The following ANO7 variants were observed in gnomAD, a reference collection of about 807,000 sequenced individuals.
ANO7 encodes the protein anoctamin 7.
ANO7 carries 114 observed loss-of-function variants against 115.8 expected under a neutral mutation model. The ratio of observed to expected loss-of-function variants is 0.98; its 90% CI spans 0.85 to 1.15. The LOEUF (loss-of-function observed/expected upper bound fraction) is 1.15, where lower values mean the gene tolerates loss of function less well. Ranked by LOEUF, ANO7 falls within the 50% of genes most tolerant of loss-of-function variation. The pLI, the probability that ANO7 is intolerant of heterozygous loss-of-function variation, is 0.00. For missense variants in ANO7, 1,302 were observed against 1,201.2 expected (o/e 1.08, Z -1.24); for synonymous variants, 550 against 498.2 (o/e 1.10, Z -1.38).
the ANO7 span, chr2:241,230,986 G>A: frequency 6.4e-7 from 1 of 1,569,354 alleles, no homozygotes; most frequent in Non-Finnish European, 8.8e-7. This position sits in a 1 kb window ranked among gnomAD's most constrained non-coding sequence, Gnocchi z 5.0. Context: ...ATGCCTTACT[G>A]GGATTCCCGT....
At chr2:241,226,305 G>GC (rs1203336214), downstream of ANO7, among the ~76,000 whole-genome samples, 2 of 152,132 alleles carry the variant, frequency 1.3e-5, no homozygotes, top group African/African-American at 4.8e-5. Flanking sequence ...ATCCATCTCA[G>GC]CCCCTCCTGG....
chr2:241,216,620 G>C (rs1257547239), intron 19 of ANO7, among the ~76,000 whole-genome samples: 1 of 152,218 alleles, frequency 6.6e-6, no homozygotes, highest in Non-Finnish European at 1.5e-5. Flanking sequence ...CAGCGGCCTG[G>C]AGAGCCAATG....
At chr2:241,194,520 G>C (rs182008342) in intron 3 of ANO7, among the ~76,000 whole-genome samples, 1 of 151,526 alleles carries the variant, frequency 6.6e-6, no homozygotes, top group Admixed American at 6.6e-5. Context: ...GGGTTTCACC[G>C]TGTTAGCCAG....
rs377319686 is a variant in ANO7, at chr2:241,209,286, C to G, written c.1079C>G (p.Ala360Gly). Residue 360 changes from alanine to glycine, a missense_variant and splice_region_variant, in exon 12 of 25, where the codon GCC (alanine) becomes GGC (glycine). Physicochemically the swap from Ala to Gly is moderately conservative, Grantham distance 60. Transcript: ENST00000674324. ...GGACGCCCCCGCTCCCTGCCACAGGCCGGCCGGCTGTTCGACCACGGCGGC... is the reference window on the plus strand; with the variant it reads ...GGACGCCCCCGCTCCCTGCCACAGGGCGGCCGGCTGTTCGACCACGGCGGC... ...LLSSACALAQ[A>G]GRLFDHGGTV... is the part of the protein sequence containing the mutation. 3.9e-6 allele frequency: 6 copies of G among 1,551,664 alleles called. No homozygotes were observed. Among genetic ancestry groups the G allele is most frequent in the Middle Eastern group, 1.7e-4 (1 of 6,020 alleles).
In ANO7 at chr2:241,223,270, G is replaced by A; in HGVS notation, c.2406G>A (p.Val802=). The change falls in exon 22 of 25, where the codon GTG becomes GTA. Residue 802 remains valine (V), a synonymous_variant. Coordinates refer to ENST00000674324, the MANE Select transcript of ANO7 (RefSeq NM_001370694.2). ...CCATCCGCCTGGCCTTCGTCATTGT[G>A]TTTGAGGTAGCCGAGGCACCTGCTG... ...LLAIRLAFVI[V]FEHVVFSVGR... The A allele has an allele frequency of 1.2e-6, 2 of 1,614,260 alleles. No individual in the cohort carries two copies. The highest frequency in any genetic ancestry group is 2.2e-5 in the South Asian group (2 of 91,088).
intron 17 of ANO7, among the ~76,000 whole-genome samples, chr2:241,213,297 G>C (rs576394957): frequency 6.6e-6 from 1 of 152,168 alleles, no homozygotes; most frequent in Non-Finnish European, 1.5e-5. Context: ...TGGCTGTCAG[G>C]GATCTCCCTG....
At chr2:241,220,826 C>T (rs1424139063) in intron 21 of ANO7, among the ~76,000 whole-genome samples, 1 of 147,996 alleles carries the variant, frequency 6.8e-6, no homozygotes, top group African/African-American at 2.5e-5. Flanking sequence ...CAAACAAAAC[C>T]TGGCTGTGGC....
rs754242737 is a variant in ANO7 at position 241,199,312 on chromosome 2, A to G, written c.310-4A>G. On this transcript the variant is annotated splice_polypyrimidine_tract_variant and splice_region_variant and intron_variant, in intron 4 of 24. Transcript: ENST00000674324. Reference sequence around the variant, plus strand: ...GGCTCTCACGGAGCCCTGGGTGCCTACAGCAGGACGTCCAGGACGGGAACA... The same window carrying G: ...GGCTCTCACGGAGCCCTGGGTGCCTGCAGCAGGACGTCCAGGACGGGAACA... 1 of 1,613,488 alleles carries G rather than the reference A, an allele frequency of 6.2e-7. No individual in the cohort carries two copies. Among genetic ancestry groups the G allele is most frequent in the South Asian group, 1.1e-5 (1 of 91,086 alleles).
At chr2:241,238,897 G>T in the ANO7 span, 1 of 828,500 alleles carries the variant, frequency 1.2e-6, no homozygotes, top group Non-Finnish European at 1.8e-6. The surrounding 1 kb of genome is among the most constrained non-coding windows in gnomAD (Gnocchi z 4.9). Flanking sequence ...ACAGCCACTT[G>T]GCACAGATGC....
chr2:241,230,111 G>T, downstream of ANO7: 1 of 1,588,736 alleles, frequency 6.3e-7, no homozygotes. The surrounding 1 kb of genome is among the most constrained non-coding windows in gnomAD (Gnocchi z 5.0). Context: ...GCCGGTGGAC[G>T]TGCCAGGGCG....
At chr2:241,232,378 C>T in the ANO7 span, among the ~76,000 whole-genome samples, 1 of 151,838 alleles carries the variant, frequency 6.6e-6, no homozygotes, top group African/African-American at 2.4e-5. Flanking sequence ...TGCGTTCAAG[C>T]GATTCTCACG....
At chr2:241,236,377 A>AT in the ANO7 span, 2 of 553,026 alleles carry the variant, frequency 3.6e-6, no homozygotes, top group Non-Finnish European at 6.5e-6. Context: ...GCCGGATCCC[A>AT]TGCAGCTGTC....
At chr2:241,233,229 G>T in the ANO7 span, among the ~76,000 whole-genome samples, 2 of 152,210 alleles carry the variant, frequency 1.3e-5, no homozygotes, top group African/African-American at 2.4e-5. This position sits in a 1 kb window ranked among gnomAD's most constrained non-coding sequence, Gnocchi z 4.3. Context: ...TGTGCAAGAG[G>T]GGGTGTTGGG....
At chr2:241,236,993 G>A in the ANO7 span, among the ~76,000 whole-genome samples, 13 of 131,804 alleles carry the variant, frequency 9.9e-5, 1 homozygote, top group Admixed American at 6.8e-4. Flanking sequence ...GGGGGGGGGG[G>A]GCGGCAATGA....
the ANO7 span, chr2:241,236,826 T>C: frequency 1.3e-6 from 2 of 1,570,494 alleles, no homozygotes; most frequent in South Asian, 2.3e-5. Flanking sequence ...CCCCACACCT[T>C]GTTCAGAATG....
Position 241,212,570 on chromosome 2 carries a change from A to C in ANO7, c.1674-2A>C, listed in dbSNP as rs767963139. 1 of 1,612,950 alleles carries C rather than the reference A, an allele frequency of 6.2e-7. No homozygotes were observed. The highest frequency in any genetic ancestry group is 2.2e-5 in the East Asian group (1 of 44,870). ...AGGCTCATGATCTTGACTTTCTCCT[A>C]GGTTTGTGGGATACCCAGGCAACTA... On this transcript the variant is annotated splice_acceptor_variant, in intron 16 of 24. Transcript: ENST00000674324. LOFTEE classifies it high-confidence loss of function.
Position 241,210,381 on chromosome 2 carries a change from T to C in ANO7, c.1446T>C (p.Leu482=). 6.2e-7 allele frequency: 1 copy of C among 1,614,018 alleles called. No homozygotes were observed. Among genetic ancestry groups the C allele is most frequent in the Non-Finnish European group, 8.5e-7 (1 of 1,179,986 alleles). ...TGGTGTCCAGGTCGGGCAACACCCT[T>C]CTCGCAGCCTGGGTGAGCCTCTGCT... The part of the protein sequence containing the change: ...AIVVSRSGNT[L]LAAWASRIAS... The change falls in exon 14 of 25, where the codon CTT becomes CTC. Residue 482 remains leucine, a synonymous_variant. Transcript: ENST00000674324.
chr2:241,237,830 C>T, the ANO7 span, among the ~76,000 whole-genome samples: 1 of 152,334 alleles, frequency 6.6e-6, no homozygotes, highest in Non-Finnish European at 1.5e-5. Flanking sequence ...TAAATAACCA[C>T]TGAAGTGTAA....
Position 241,218,295 on chromosome 2 carries a change from C to G in ANO7, c.2235C>G (p.Thr745=). The change falls in exon 21 of 25, where the codon ACC becomes ACG. Residue 745 remains threonine, a synonymous_variant. Transcript: ENST00000674324. The part of the protein sequence containing the change: ...DFLPRAYYRW[T]RAHDLRGFLN... Reference sequence around the variant, plus strand: ...TGCCGCGCGCCTACTACCGGTGGACCCGCGCCCACGACCTGCGCGGCTTCC... The same window carrying G: ...TGCCGCGCGCCTACTACCGGTGGACGCGCGCCCACGACCTGCGCGGCTTCC... The G allele has an allele frequency of 6.5e-7, 1 of 1,536,560 alleles. No homozygotes were observed. Among genetic ancestry groups the G allele is most frequent in the Non-Finnish European group, 8.7e-7 (1 of 1,149,326 alleles).
Sources: allele counts gnomAD v4.1 joint callset (sites outside exome capture counted in the v4.1 genomes callset), GRCh38; gene constraint gnomAD v4.1.1; non-coding constraint Gnocchi (gnomAD v3.1); transcripts MANE v1.5; gene names NCBI Gene and HGNC (gene_info 2026-07-23, HGNC 2026-07-21).